The following LRRC4C variants were observed in gnomAD, a reference collection of about 807,000 sequenced individuals.
LRRC4C encodes leucine rich repeat containing 4C.
LRRC4C carries 5 observed loss-of-function variants against 33.6 expected under a neutral mutation model. The observed-to-expected ratio is 0.15, with a 90% CI of 0.08 to 0.31. LRRC4C has a LOEUF of 0.31. Among genes scored for constraint, LRRC4C ranks in the 10% least tolerant of loss-of-function variants. The pLI is 1.00. For missense variants in LRRC4C, 560 were observed against 796.7 expected, an observed-to-expected ratio of 0.70 and a Z score of 3.58; for synonymous variants, 329 against 302.0, an observed-to-expected ratio of 1.09 and a Z score of -0.93.
rs79811181 is a variant in LRRC4C at position 41,160,989 on chromosome 11, C to T, written c.-495-227266G>A. On this transcript the variant is annotated intron_variant, in intron 1 of 6. Coordinates refer to ENST00000528697, the MANE Select transcript of LRRC4C (RefSeq NM_001258419.2). ...GCTTTTGAGGAATGGGAACAATTGA[C>T]GATTTACTTTAGACATGATGTTCTT... 4.4e-3 allele frequency among the ~76,000 whole-genome samples: 673 copies of T among 152,234 alleles called. 3 individuals are homozygous for T. Among genetic ancestry groups the T allele is most frequent in the African/African-American group, 0.014 (579 of 41,548 alleles).
chr11:40,607,232 T>C (rs1960714497), intron 3 of LRRC4C, among the ~76,000 whole-genome samples: 1 of 152,180 alleles, frequency 6.6e-6, no homozygotes, highest in Admixed American at 6.5e-5. Context: ...TCGAAATTGG[T>C]ACAGGATGGG....
intron 2 of LRRC4C, among the ~76,000 whole-genome samples, chr11:40,797,824 C>G (rs1002175959): frequency 1.3e-5 from 2 of 149,520 alleles, no homozygotes; most frequent in African/African-American, 5.1e-5. Context: ...TTTTTGGGAA[C>G]AGAGACTTAG....
intron 3 of LRRC4C, among the ~76,000 whole-genome samples, chr11:40,428,576 C>T (rs896407987): frequency 2.0e-5 from 3 of 152,140 alleles, no homozygotes; most frequent in Non-Finnish European, 4.4e-5. Flanking sequence ...ATTTATATCT[C>T]TCGCTTGTAG....
chr11:40,813,609 C>T (rs1286021480), intron 2 of LRRC4C, among the ~76,000 whole-genome samples: 2 of 152,242 alleles, frequency 1.3e-5, no homozygotes, highest in Admixed American at 1.3e-4. Context: ...CCAATCATGC[C>T]TTCCCAATAG....
intron 3 of LRRC4C, among the ~76,000 whole-genome samples, chr11:40,498,232 A>C (rs1954571324): frequency 6.6e-6 from 1 of 152,146 alleles, no homozygotes; most frequent in Admixed American, 6.6e-5. Flanking sequence ...AGAGTTAGGC[A>C]AGTGAGTTAA....
chr11:41,184,134 G>A (rs1407648214), intron 1 of LRRC4C, among the ~76,000 whole-genome samples: 1 of 152,196 alleles, frequency 6.6e-6, no homozygotes, highest in Non-Finnish European at 1.5e-5. Flanking sequence ...GGGAGGGGCT[G>A]CTGTTAAGAC....
chr11:40,829,915 G>C (rs1018536370), intron 2 of LRRC4C, among the ~76,000 whole-genome samples: 1 of 151,916 alleles, frequency 6.6e-6, no homozygotes, highest in African/African-American at 2.4e-5. Context: ...AGTCCCCCAG[G>C]AATTGCTATG....
intron 4 of LRRC4C, among the ~76,000 whole-genome samples, chr11:40,266,205 T>C (rs1565206221): frequency 6.6e-6 from 1 of 151,864 alleles, no homozygotes; most frequent in Non-Finnish European, 1.5e-5. Flanking sequence ...GAGGCTGAGG[T>C]GGGAGGAGCA....
chr11:40,843,065 A>AATTCTAATCTATACTGAATTTTC (rs1952987281), intron 2 of LRRC4C, among the ~76,000 whole-genome samples: 3 of 152,144 alleles, frequency 2.0e-5, no homozygotes, highest in Non-Finnish European at 4.4e-5. Context: ...TCTCTATTGA[A>AATTCTAATCTATACTGAATTTTC]ATTCTAATCT....
At chr11:40,721,403 C>G (rs1400289388) in intron 2 of LRRC4C, among the ~76,000 whole-genome samples, 1 of 152,194 alleles carries the variant, frequency 6.6e-6, no homozygotes. Flanking sequence ...CTGAGACTTT[C>G]CAGGCTCCAG....
chr11:41,213,233 T>A (rs1946896982), intron 1 of LRRC4C, among the ~76,000 whole-genome samples: 2 of 152,168 alleles, frequency 1.3e-5, no homozygotes, highest in Admixed American at 1.3e-4. Flanking sequence ...AGTATAAACA[T>A]TTCTAATAGG....
At chr11:41,188,705 C>CAA (rs10559968) in intron 1 of LRRC4C, among the ~76,000 whole-genome samples, 60 of 111,102 alleles carry the variant, frequency 5.4e-4, no homozygotes, top group Middle Eastern at 4.9e-3. Context: ...GAAAAAGAAG[C>CAA]AAAAAAAAAA....
intron 1 of LRRC4C, among the ~76,000 whole-genome samples, chr11:41,021,206 A>AGTGT (rs1301143648): frequency 1.2e-4 from 10 of 84,220 alleles, no homozygotes; most frequent in African/African-American, 3.3e-4. Context: ...AGAGAGAGAG[A>AGTGT]GAGAGAGAGT....
intron 1 of LRRC4C, among the ~76,000 whole-genome samples, chr11:41,042,309 G>C (rs35765087): frequency 0.051 from 7,783 of 152,140 alleles, 291 homozygotes; most frequent in Non-Finnish European, 0.083. Flanking sequence ...GAGCAAATAT[G>C]CTCAAAGGTC....
chr11:41,124,783 A>G (rs1432659361), intron 1 of LRRC4C, among the ~76,000 whole-genome samples: 2 of 152,188 alleles, frequency 1.3e-5, no homozygotes, highest in Non-Finnish European at 2.9e-5. Flanking sequence ...GAAGACATCT[A>G]TACATTTGTA....
chr11:40,765,407 C>T (rs1248811660), intron 2 of LRRC4C, among the ~76,000 whole-genome samples: 1 of 152,114 alleles, frequency 6.6e-6, no homozygotes, highest in Non-Finnish European at 1.5e-5. Flanking sequence ...TTCTATAGAG[C>T]CTGAAGAACC....
At chr11:40,569,212 T>C (rs1204794132) in intron 3 of LRRC4C, among the ~76,000 whole-genome samples, 1 of 152,172 alleles carries the variant, frequency 6.6e-6, no homozygotes, top group East Asian at 1.9e-4. Context: ...CAAGTAATTA[T>C]TGAATGCATA....
At chr11:41,146,765 A>T (rs191672216) in intron 1 of LRRC4C, among the ~76,000 whole-genome samples, 2,154 of 152,364 alleles carry the variant, frequency 0.014, 25 homozygotes, top group South Asian at 0.041. Flanking sequence ...GGGAAATAAA[A>T]CAAATAAAAA....
chr11:41,004,427 G>A (rs1325959920), intron 1 of LRRC4C, among the ~76,000 whole-genome samples: 1 of 152,034 alleles, frequency 6.6e-6, no homozygotes, highest in East Asian at 1.9e-4. Context: ...ACACCACCAT[G>A]CCAGAGATAC....
Sources: gnomAD v4.1 joint callset for allele counts (sites outside exome capture counted in the v4.1 genomes callset) on GRCh38, gnomAD v4.1.1 for gene constraint, MANE v1.5 for transcripts, NCBI Gene and HGNC (gene_info 2026-07-23, HGNC 2026-07-21) for gene names.